Variants in ASTN2 observed in about 807,000 individuals in gnomAD.
The protein encoded by ASTN2 is astrotactin-2.
ASTN2 carries 54 observed loss-of-function variants against 139.8 expected under a neutral mutation model. That is an observed-to-expected ratio of 0.39 (90% CI 0.31 to 0.48). The LOEUF (loss-of-function observed/expected upper bound fraction) is 0.48. Ranked by LOEUF, ASTN2 falls within the 20% of genes least tolerant of loss-of-function variation. The probability of loss-of-function intolerance (pLI) is 0.95; values close to 1 mark genes in which losing one functional copy is unlikely to be tolerated. For missense variants in ASTN2, 1,565 were observed against 1,725.1 expected (o/e 0.91, Z 1.64); for synonymous variants, 756 against 719.5 (o/e 1.05, Z -0.81).
At chr9:117,175,214 T>G (rs1429026346) in intron 3 of ASTN2, among the ~76,000 whole-genome samples, 1 of 152,102 alleles carries the variant, frequency 6.6e-6, no homozygotes, top group African/African-American at 2.4e-5. Context: ...GTTGCAGAAA[T>G]AGTGATGCTG....
At chr9:116,584,430 A>G (rs1358144081) in intron 19 of ASTN2, 1 of 152,226 alleles carries the variant, frequency 6.6e-6, no homozygotes, top group Non-Finnish European at 1.5e-5. Flanking sequence ...AAAAGTGCTT[A>G]GAAAGATAAA....
intron 19 of ASTN2, among the ~76,000 whole-genome samples, chr9:116,574,497 A>G (rs1564127521): frequency 6.6e-6 from 1 of 152,176 alleles, no homozygotes; most frequent in Non-Finnish European, 1.5e-5. Flanking sequence ...AGCTTATTGC[A>G]GCTATGCAAA....
At chr9:116,945,761 A>C (rs1437421749) in intron 10 of ASTN2, among the ~76,000 whole-genome samples, 5 of 152,134 alleles carry the variant, frequency 3.3e-5, no homozygotes, top group Non-Finnish European at 5.9e-5. Context: ...AGAGTTCTGG[A>C]TGTCCCGTGT....
At chr9:116,664,675 C>G (rs929152409) in intron 16 of ASTN2, among the ~76,000 whole-genome samples, 2 of 150,790 alleles carry the variant, frequency 1.3e-5, no homozygotes, top group Non-Finnish European at 2.9e-5. Context: ...ATTATATACC[C>G]ACTGAAAAAA....
intron 19 of ASTN2, among the ~76,000 whole-genome samples, chr9:116,566,895 C>G (rs1263271147): frequency 2.0e-5 from 3 of 152,232 alleles, no homozygotes; most frequent in African/African-American, 7.2e-5. Flanking sequence ...TCAGACTCCC[C>G]CCAACCTGAT....
At chr9:116,944,007 C>T (rs1286721453) in intron 10 of ASTN2, among the ~76,000 whole-genome samples, 2 of 151,522 alleles carry the variant, frequency 1.3e-5, no homozygotes, top group African/African-American at 2.4e-5. Context: ...ACAATTACAA[C>T]AATAATAGCC....
At chr9:116,722,298 ACAAT>A (rs3041032) in intron 16 of ASTN2, among the ~76,000 whole-genome samples, 63,917 of 151,828 alleles carry the variant, frequency 0.42, 14,102 homozygotes, top group Admixed American at 0.55. Flanking sequence ...AAATGTTCAG[ACAAT>A]CAATGAATAA....
At chr9:117,040,998 C>A (rs915053934) in intron 5 of ASTN2, among the ~76,000 whole-genome samples, 1 of 152,146 alleles carries the variant, frequency 6.6e-6, no homozygotes, top group African/African-American at 2.4e-5. Context: ...TTATCCATAG[C>A]TAATTAGATT....
intron 2 of ASTN2, among the ~76,000 whole-genome samples, chr9:117,232,803 T>C (rs1041216377): frequency 6.6e-6 from 1 of 152,182 alleles, no homozygotes; most frequent in Non-Finnish European, 1.5e-5. Flanking sequence ...TTTTCTTTTT[T>C]TAATTTATCT....
At chr9:116,685,512 T>C (rs868564446) in intron 16 of ASTN2, among the ~76,000 whole-genome samples, 1 of 152,168 alleles carries the variant, frequency 6.6e-6, no homozygotes, top group Non-Finnish European at 1.5e-5. Context: ...ATATAGGTGA[T>C]TTAAGTGTTA....
chr9:116,728,909 A>T, intron 15 of ASTN2, 83 bp downstream of exon 15: 1 of 1,146,328 alleles, frequency 8.7e-7, no homozygotes, highest in South Asian at 1.4e-5. Flanking sequence ...CAGTGCTCTC[A>T]TATGCCCTGG....
chr9:116,964,221 GTGTGT>G (rs1564362547), intron 10 of ASTN2, among the ~76,000 whole-genome samples: 2 of 103,160 alleles, frequency 1.9e-5, no homozygotes, highest in Admixed American at 9.5e-5. Flanking sequence ...CCTGGGGTGT[GTGTGT>G]GTGTGTGTGT....
At chr9:116,632,177 AGAGAGAGGGAG>A (rs1856795247) in intron 17 of ASTN2, among the ~76,000 whole-genome samples, 2 of 20,814 alleles carry the variant, frequency 9.6e-5, no homozygotes, top group African/African-American at 4.0e-4. Context: ...AGAGAGAGAG[AGAGAGAGGGAG>A]AGAGAGAGAA....
At chr9:117,157,857 T>G (rs1371475011) in intron 3 of ASTN2, among the ~76,000 whole-genome samples, 1 of 151,980 alleles carries the variant, frequency 6.6e-6, no homozygotes, top group African/African-American at 2.4e-5. Context: ...AAGAAGACTT[T>G]CATCAGAAGA....
At chr9:117,405,358 C>T (rs766284751) in intron 1 of ASTN2, among the ~76,000 whole-genome samples, 4 of 152,214 alleles carry the variant, frequency 2.6e-5, no homozygotes, top group Non-Finnish European at 5.9e-5. Context: ...CTCCTCTGAG[C>T]CTCAGAACTC....
At chr9:116,805,878 G>A in intron 12 of ASTN2, 58 bp from the exon 13 acceptor site, 2 of 1,562,964 alleles carry the variant, frequency 1.3e-6, no homozygotes, top group Non-Finnish European at 1.7e-6. Flanking sequence ...CCCATTGGGG[G>A]TGACCTAAAA....
At chr9:117,120,273 G>A (rs1026668459) in intron 4 of ASTN2, among the ~76,000 whole-genome samples, 1 of 151,648 alleles carries the variant, frequency 6.6e-6, no homozygotes, top group Non-Finnish European at 1.5e-5. Flanking sequence ...CGTTATGATG[G>A]CAAGTACTTG....
intron 13 of ASTN2, among the ~76,000 whole-genome samples, chr9:116,755,785 T>A (rs1249963507): frequency 6.6e-6 from 1 of 152,206 alleles, no homozygotes; most frequent in African/African-American, 2.4e-5. Context: ...CTAAGCGCCA[T>A]CATGTATATC....
chr9:116,997,950 T>C (rs547306404), intron 7 of ASTN2, among the ~76,000 whole-genome samples: 13 of 152,332 alleles, frequency 8.5e-5, no homozygotes, highest in Admixed American at 2.6e-4. Context: ...TATATATAGA[T>C]AATGAATCTG....
Sources: gnomAD v4.1 joint callset for allele counts (sites outside exome capture counted in the v4.1 genomes callset) on GRCh38, gnomAD v4.1.1 for gene constraint, MANE v1.5 for transcripts, NCBI Gene and HGNC (gene_info 2026-07-23, HGNC 2026-07-21) for gene names.